Variants in IL7 observed in about 807,000 individuals in gnomAD.
IL7 encodes the protein interleukin 7, also known as interleukin-7.
In IL7, 3 loss-of-function variants were observed where a neutral mutation model predicts 21.6. That is an observed-to-expected ratio of 0.14 (90% confidence interval 0.06 to 0.36). IL7 has a LOEUF of 0.36. Among genes scored for constraint, IL7 ranks in the 10% least tolerant of loss-of-function variants. The probability of loss-of-function intolerance (pLI) is 1.00; values close to 1 mark genes in which losing one functional copy is unlikely to be tolerated. For missense variants in IL7, 175 were observed against 200.2 expected (o/e 0.87, Z 0.76); for synonymous variants, 62 against 68.1 (o/e 0.91, Z 0.44).
rs1463150471 is a variant in IL7 at position 78,805,205 on chromosome 8, T to A, written c.-283A>T. Reference sequence around the variant, plus strand: ...CTTTCAGTTTCTACTTTGCGCTTGGTCTGCAGGTTCAATCTTTGGGATCAT... The same window carrying A: ...CTTTCAGTTTCTACTTTGCGCTTGGACTGCAGGTTCAATCTTTGGGATCAT... On this transcript the variant is annotated 5_prime_UTR_variant, in exon 1 of 6. Coordinates refer to ENST00000263851, the MANE Select transcript of IL7 (RefSeq NM_000880.4). 7.8e-6 allele frequency: 3 copies of A among 384,060 alleles called. No homozygotes were observed. Among genetic ancestry groups the A allele is most frequent in the African/African-American group, 2.1e-5 (1 of 47,746 alleles). The allele number at this position is 384,060 out of a possible 1,614,324, so 23.8% of individuals were successfully genotyped here. A position where few individuals can be genotyped will look rare whatever the true frequency, so the allele number is the denominator to read the frequency against.
chr8:78,802,124 G>A (rs1284002085), intron 1 of IL7, among the ~76,000 whole-genome samples: 1 of 152,164 alleles, frequency 6.6e-6, no homozygotes, highest in African/African-American at 2.4e-5. Context: ...CCAGAAGGAG[G>A]TCTGTCTAAA....
chr8:78,776,493 T>C (rs935661182), intron 2 of IL7, among the ~76,000 whole-genome samples: 1 of 152,134 alleles, frequency 6.6e-6, no homozygotes, highest in African/African-American at 2.4e-5. Context: ...CTAAAGTGAA[T>C]GCAAAATCAT....
chr8:78,711,898 T>G, intron 3 of IL7: 1 of 692,246 alleles, frequency 1.4e-6, no homozygotes, highest in Non-Finnish European at 2.2e-6. Context: ...GGAGTAGATA[T>G]CTGATGAACC....
chr8:78,787,464 G>A (rs895068038), intron 2 of IL7, among the ~76,000 whole-genome samples: 28 of 152,174 alleles, frequency 1.8e-4, no homozygotes, highest in African/African-American at 6.8e-4. Flanking sequence ...TGTTGAGGGA[G>A]AGAATAAGAA....
intron 2 of IL7, 95 bp downstream of exon 2, chr8:78,797,977 A>G (rs755340075): frequency 3.0e-5 from 29 of 952,306 alleles, no homozygotes; most frequent in Non-Finnish European, 4.5e-5. Context: ...CTTTCTTGTC[A>G]AGAAAGATGA....
chr8:78,718,375 A>G (rs1220496008), intron 6 of IL7: 1 of 151,986 alleles, frequency 6.6e-6, no homozygotes, highest in African/African-American at 2.4e-5. Flanking sequence ...ATGTTTAAAA[A>G]CATATAATTT....
chr8:78,734,857 C>T (rs143068941), intron 5 of IL7, among the ~76,000 whole-genome samples: 5 of 151,940 alleles, frequency 3.3e-5, no homozygotes, highest in South Asian at 4.2e-4. Context: ...GAAACTGATC[C>T]GCAAAGAAGA....
intron 1 of IL7, among the ~76,000 whole-genome samples, chr8:78,800,892 T>C (rs2130851040): frequency 6.6e-6 from 1 of 152,260 alleles, no homozygotes; most frequent in South Asian, 2.1e-4. Context: ...ATTCCAAAGG[T>C]CCACCTTTTG....
At chr8:78,717,260 C>T (rs1811135533), downstream of IL7, 2 of 1,407,880 alleles carry the variant, frequency 1.4e-6, no homozygotes, top group Admixed American at 2.3e-5. Flanking sequence ...TGTCCTGTTT[C>T]TCCAGGGTTA....
At chr8:78,693,935 T>A (rs1430562626) in intron 3 of IL7, among the ~76,000 whole-genome samples, 2 of 152,204 alleles carry the variant, frequency 1.3e-5, no homozygotes, top group African/African-American at 4.8e-5. Context: ...GGATCCAGTT[T>A]CAGCTTTCTA....
At chr8:78,687,910 TAA>T (rs1169014543) in intron 3 of IL7, among the ~76,000 whole-genome samples, 22 of 53,708 alleles carry the variant, frequency 4.1e-4, no homozygotes, top group African/African-American at 9.4e-4. Flanking sequence ...TATATTTATA[TAA>T]ATATATAATT....
chr8:78,690,734 C>G (rs1810184722), intron 3 of IL7, among the ~76,000 whole-genome samples: 1 of 151,752 alleles, frequency 6.6e-6, no homozygotes, highest in African/African-American at 2.4e-5. Flanking sequence ...GTTCATGAAC[C>G]TGTTATATTT....
downstream of IL7, among the ~76,000 whole-genome samples, chr8:78,714,927 T>A (rs1292331703): frequency 6.6e-6 from 1 of 152,178 alleles, no homozygotes; most frequent in East Asian, 1.9e-4. Flanking sequence ...ATTTAAACTG[T>A]TTTTAAAAAT....
intron 2 of IL7, among the ~76,000 whole-genome samples, chr8:78,751,704 A>G (rs1812180145): frequency 6.6e-6 from 1 of 152,210 alleles, no homozygotes; most frequent in Admixed American, 6.5e-5. Flanking sequence ...TACAATGTGT[A>G]ATGATCAAAT....
At chr8:78,691,470 A>G (rs141396869) in intron 3 of IL7, among the ~76,000 whole-genome samples, 1,826 of 152,010 alleles carry the variant, frequency 0.012, 13 homozygotes, top group Middle Eastern at 0.027. Context: ...TTCCTTATAT[A>G]TGTGTTTTTG....
intron 2 of IL7, among the ~76,000 whole-genome samples, chr8:78,779,383 T>C (rs1489556429): frequency 6.6e-6 from 1 of 152,192 alleles, no homozygotes; most frequent in Non-Finnish European, 1.5e-5. Flanking sequence ...TTGTCATAAA[T>C]GGCTCTTGTT....
intron 3 of IL7, among the ~76,000 whole-genome samples, chr8:78,712,638 G>C (rs1056767670): frequency 2.6e-5 from 4 of 152,148 alleles, no homozygotes; most frequent in African/African-American, 9.7e-5. Flanking sequence ...CTGCCAAAGA[G>C]TCAAGCTCGA....
At position 78,772,023 on chromosome 8, in the gene IL7, C is replaced by A. The variant is rs530948804; in HGVS notation, c.147+26049G>T. On this transcript the variant is annotated intron_variant, in intron 2 of 5. Transcript: ENST00000263851. ...CAGTTATATTTCCTATTCCAGGAAA[C>A]TTTCTTCCTAGAATAATGGACAGTG... Among the ~76,000 whole-genome samples, 27 of 152,270 alleles carry A rather than the reference C, an allele frequency of 1.8e-4. No individual in the cohort carries two copies. In the South Asian group the frequency reaches 5.4e-3, roughly 30 times the overall value.
chr8:78,694,548 G>A lies in IL7; in HGVS notation n.215-8601C>T, dbSNP rs567636216. Among the ~76,000 whole-genome samples, 13 of 152,186 alleles carry A rather than the reference G, an allele frequency of 8.5e-5. No homozygotes were observed. In the South Asian group the frequency reaches 1.7e-3, roughly 19 times the overall value. ...AGCAAATCCATGTGATGTTCAGGTC[G>A]TTATTACAATTCCATATGGTTTGGC... On this transcript the variant is annotated intron_variant and non_coding_transcript_variant, in intron 3 of 4. Coordinates refer to the IL7 transcript ENST00000523959.
Sources: gnomAD v4.1 joint callset for allele counts (sites outside exome capture counted in the v4.1 genomes callset) on GRCh38, gnomAD v4.1.1 for gene constraint, MANE v1.5 for transcripts, NCBI Gene and HGNC (gene_info 2026-07-23, HGNC 2026-07-21) for gene names.